DARS2: variants seen among roughly 807,000 people sequenced by gnomAD.
DARS2 encodes aspartate--tRNA ligase, mitochondrial.
In DARS2, 63 loss-of-function variants were observed where a neutral mutation model predicts 83.0. The observed-to-expected ratio is 0.76, with a 90% confidence interval of 0.62 to 0.94. DARS2 has a LOEUF of 0.94. DARS2 is among the 40% of genes least tolerant of loss of function. DARS2 has a pLI of 0.00. For synonymous variants in DARS2, 250 were observed against 269.3 expected (o/e 0.93, Z 0.70); for missense variants, 675 against 774.4 (o/e 0.87, Z 1.52).
intron 9 of DARS2, 30 bp from the exon 10 acceptor site, chr1:173,839,337 A>G: frequency 6.2e-7 from 1 of 1,608,608 alleles, no homozygotes; most frequent in Non-Finnish European, 8.5e-7. Flanking sequence ...TTGTGGCTAA[A>G]TTAGTTTCCA....
chr1:173,829,204 A>AGTGTGT (rs10653648), intron 3 of DARS2, among the ~76,000 whole-genome samples: 2,957 of 148,408 alleles, frequency 0.02, 80 homozygotes, highest in African/African-American at 0.069. Context: ...ATATACATTC[A>AGTGTGT]GTGTGTGTGT....
intron 9 of DARS2, 151 bp downstream of exon 9, chr1:173,838,410 T>C: frequency 1.5e-6 from 1 of 652,492 alleles, no homozygotes; most frequent in East Asian, 2.8e-5. Flanking sequence ...AGAAACTAAT[T>C]ATTCTTTTTT....
Position 173,839,409 on chromosome 1 carries a change from A to G in DARS2, c.883A>G (p.Ser295Gly). 1.9e-6 allele frequency: 3 copies of G among 1,614,174 alleles called. No homozygotes were observed. Among genetic ancestry groups the G allele is most frequent in the Non-Finnish European group, 1.7e-6 (2 of 1,180,012 alleles). Residue 295 changes from serine (S) to glycine (G), a missense_variant, in exon 10 of 17, where the codon AGT becomes GGT. Transcript: ENST00000649689. ...MSFVDQTGIQ[S>G]LIEGLLQYSW... is the part of the protein sequence containing the mutation. ...ATTTGTAGACCAGACTGGGATCCAG[A>G]GTTTAATTGAGGGTTTGCTCCAGTA...
intron 11 of DARS2, among the ~76,000 whole-genome samples, chr1:173,841,683 C>T (rs1161917677): frequency 6.6e-6 from 1 of 152,108 alleles, no homozygotes; most frequent in African/African-American, 2.4e-5. Flanking sequence ...CCTGTAGTCC[C>T]AGCTATTCTG....
At chr1:173,854,933 G>T (rs539718302) in intron 15 of DARS2, among the ~76,000 whole-genome samples, 2 of 152,126 alleles carry the variant, frequency 1.3e-5, no homozygotes, top group Non-Finnish European at 2.9e-5. Context: ...GAAGGCTTGG[G>T]TAGGTTTCAG....
intron 12 of DARS2, among the ~76,000 whole-genome samples, chr1:173,848,302 T>C (rs1653519320): frequency 6.6e-6 from 1 of 152,228 alleles, no homozygotes; most frequent in Non-Finnish European, 1.5e-5. Flanking sequence ...TGTCTTTATG[T>C]TTAAAACCTC....
chr1:173,839,449 A>G lies in DARS2; in HGVS notation c.923A>G (p.Asp308Gly). Residue 308 changes from aspartate to glycine, a missense_variant, in exon 10 of 17, where the codon GAC becomes GGC. Transcript: ENST00000649689. ...TTGCTCCAGTATTCCTGGCCCAATG[A>G]CAAAGATCCTGTGGTTGTTCCTTTT... is the stretch of plus-strand genomic sequence containing the variant. ...EGLLQYSWPN[D>G]KDPVVVPFPT... 1 of 1,614,148 alleles carries G rather than the reference A, an allele frequency of 6.2e-7. No individual in the cohort carries two copies. Among genetic ancestry groups the G allele is most frequent in the South Asian group, 1.1e-5 (1 of 91,084 alleles).
intron 11 of DARS2, among the ~76,000 whole-genome samples, chr1:173,844,592 C>G (rs570265021): frequency 1.5e-5 from 2 of 132,292 alleles, no homozygotes; most frequent in Non-Finnish European, 3.1e-5. Context: ...ATCACTTGAA[C>G]CTGGGAGGTG....
intron 6 of DARS2, among the ~76,000 whole-genome samples, chr1:173,833,773 CT>C (rs912196645): frequency 6.1e-4 from 88 of 144,856 alleles, no homozygotes; most frequent in Admixed American, 7.6e-4. Flanking sequence ...GATTTCTTTT[CT>C]TTTTTTTTTT....
chr1:173,855,434 A>G (rs916649071), intron 15 of DARS2, among the ~76,000 whole-genome samples: 9 of 151,930 alleles, frequency 5.9e-5, no homozygotes, highest in African/African-American at 9.7e-5. Context: ...GCCAATTCAA[A>G]GCCTCCAATC....
At chr1:173,854,149 T>A (rs1425494531) in intron 15 of DARS2, among the ~76,000 whole-genome samples, 3 of 152,062 alleles carry the variant, frequency 2.0e-5, no homozygotes, top group East Asian at 3.9e-4. Context: ...CAAATTTTTT[T>A]ATTTTTTTGA....
chr1:173,844,443 G>T (rs1024235839), intron 11 of DARS2, among the ~76,000 whole-genome samples: 9 of 151,924 alleles, frequency 5.9e-5, no homozygotes, highest in Non-Finnish European at 8.8e-5. Flanking sequence ...GCCGAGGCTG[G>T]CCAATCACAT....
At chr1:173,849,861 C>CTTTT (rs10558579) in intron 12 of DARS2, among the ~76,000 whole-genome samples, 7 of 109,960 alleles carry the variant, frequency 6.4e-5, no homozygotes, top group Non-Finnish European at 9.1e-5. Context: ...GTTGAAATGA[C>CTTTT]TTTTTTTTTT....
chr1:173,853,172 A>G (rs551486620), intron 13 of DARS2, among the ~76,000 whole-genome samples, 177 bp from the exon 14 acceptor site: 11 of 152,134 alleles, frequency 7.2e-5, no homozygotes, highest in Non-Finnish European at 1.5e-4. Flanking sequence ...ATTGTTCTCA[A>G]CCTTGTTGCA....
In DARS2 at chr1:173,857,634, C is replaced by G; in HGVS notation, c.1867C>G (p.Pro623Ala). The G allele has an allele frequency of 6.2e-7, 1 of 1,614,146 alleles. No individual in the cohort carries two copies. Among genetic ancestry groups the G allele is most frequent in the Non-Finnish European group, 8.5e-7 (1 of 1,180,020 alleles). Residue 623 changes from proline to alanine, a missense_variant, in exon 17 of 17, where the codon CCT becomes GCT. Transcript: ENST00000649689. ...LMSNTPDSVPPEELKPYHIRV... is the reference protein window; with the variant it reads ...LMSNTPDSVPAEELKPYHIRV... ...GAGCAATACCCCAGATTCTGTCCCT[C>G]CTGAGGAACTGAAGCCCTATCATAT... is the stretch of plus-strand genomic sequence containing the variant.
intron 15 of DARS2, among the ~76,000 whole-genome samples, chr1:173,855,572 C>T (rs1653828892): frequency 6.6e-6 from 1 of 152,158 alleles, no homozygotes; most frequent in Admixed American, 6.6e-5. Context: ...TGGGATCAAG[C>T]GATCCTCCTG....
rs1260434545 is a variant in DARS2 at position 173,838,621 on chromosome 1, T to A, written c.840+362T>A. ...CATGATAAAGTCCTTAAAACAAATC[T>A]CTTATATATTATGAATAATTTTATA... is the stretch of plus-strand genomic sequence containing the variant. On this transcript the variant is annotated intron_variant, in intron 9 of 16. Coordinates refer to ENST00000649689, the MANE Select transcript of DARS2 (RefSeq NM_018122.5). 3.9e-5 allele frequency among the ~76,000 whole-genome samples: 6 copies of A among 152,164 alleles called. No individual in the cohort carries two copies. The South Asian group carries it at 1.2e-3, about 32-fold the overall frequency.
In DARS2 at chr1:173,855,683, C is replaced by T. The variant is rs115879204; in HGVS notation, c.1675-983C>T. Among the ~76,000 whole-genome samples, 1,014 of 150,448 alleles carry T rather than the reference C, an allele frequency of 6.7e-3. 6 individuals are homozygous for T. The highest frequency in any genetic ancestry group is 0.01 in the Non-Finnish European group (697 of 67,626). ...GAATACATTACTTTTTTCTTTTTCT[C>T]GCTTTGTCACCCAGACTGGAGTGCA... is the stretch of plus-strand genomic sequence containing the variant. On this transcript the variant is annotated intron_variant, in intron 15 of 16. Coordinates refer to ENST00000649689, the MANE Select transcript of DARS2 (RefSeq NM_018122.5).
At chr1:173,837,141 G>A in intron 8 of DARS2, 95 bp downstream of exon 8, 1 of 1,138,154 alleles carries the variant, frequency 8.8e-7, no homozygotes, top group Non-Finnish European at 1.3e-6. Flanking sequence ...CTCAAGAGAA[G>A]GATAGAAAAT....
Sources: allele counts gnomAD v4.1 joint callset (sites outside exome capture counted in the v4.1 genomes callset), GRCh38; gene constraint gnomAD v4.1.1; transcripts MANE v1.5; gene names NCBI Gene and HGNC (gene_info 2026-07-23, HGNC 2026-07-21).